Variants in EPHA3 observed in about 807,000 individuals in gnomAD.
EPHA3 encodes EPH receptor A3.
In EPHA3, 42 loss-of-function variants were observed where a neutral mutation model predicts 107.1. The observed-to-expected ratio is 0.39, with a 90% CI of 0.31 to 0.51. The LOEUF is 0.51. Among genes scored for constraint, EPHA3 ranks in the 20% least tolerant of loss-of-function variants. EPHA3 has a pLI of 0.78. For synonymous variants in EPHA3, 461 were observed against 424.8 expected, an observed-to-expected ratio of 1.09 and a Z score of -1.05; for missense variants, 1,183 against 1,211.2, an observed-to-expected ratio of 0.98 and a Z score of 0.35.
chr3:89,216,371 C>G (rs1704223172), intron 3 of EPHA3, among the ~76,000 whole-genome samples: 1 of 151,902 alleles, frequency 6.6e-6, no homozygotes, highest in Non-Finnish European at 1.5e-5. Context: ...GTAAACTTAC[C>G]TGTAAAGTGA....
At chr3:89,350,607 T>G (rs1707788087) in intron 5 of EPHA3, among the ~76,000 whole-genome samples, 1 of 151,074 alleles carries the variant, frequency 6.6e-6, no homozygotes. Flanking sequence ...GAAGCCTTCT[T>G]CTCTCAGCTC....
At chr3:89,279,067 C>T (rs1465189123) in intron 3 of EPHA3, among the ~76,000 whole-genome samples, 6 of 152,102 alleles carry the variant, frequency 3.9e-5, no homozygotes, top group Non-Finnish European at 7.4e-5. Context: ...AAGTGTGGAT[C>T]ATTTAAATTC....
At chr3:89,249,357 T>C (rs190811266) in intron 3 of EPHA3, among the ~76,000 whole-genome samples, 161 of 152,310 alleles carry the variant, frequency 1.1e-3, no homozygotes, top group African/African-American at 3.7e-3. Context: ...GGCGGTGACA[T>C]TTTAATTTTT....
Position 89,395,961 on chromosome 3 carries a change from G to T in EPHA3, c.1431G>T (p.Lys477Asn). The change falls in exon 6 of 17, where the codon AAG becomes AAT. Residue 477 changes from lysine to asparagine, a missense_variant and splice_region_variant. Coordinates refer to ENST00000336596, the MANE Select transcript of EPHA3 (RefSeq NM_005233.6). The stretch of plus-strand genomic sequence containing the variant: ...ACTACGAGGTCAAATACTATGAAAA[G>T]GTGGGGAAACAATGTTTAAGGGTTG... ...ILDYEVKYYE[K>N]QEQETSYTIL... 1 of 1,613,640 alleles carries T rather than the reference G, an allele frequency of 6.2e-7. No individual in the cohort carries two copies. The highest frequency in any genetic ancestry group is 8.5e-7 in the Non-Finnish European group (1 of 1,179,778).
At chr3:89,424,249 C>A (rs1353488910) in intron 11 of EPHA3, among the ~76,000 whole-genome samples, 2 of 151,194 alleles carry the variant, frequency 1.3e-5, no homozygotes, top group Non-Finnish European at 3.0e-5. Context: ...TTGTATTTAA[C>A]AATTCTAAAA....
At chr3:89,190,320 C>A (rs1343893884) in intron 2 of EPHA3, among the ~76,000 whole-genome samples, 4 of 152,162 alleles carry the variant, frequency 2.6e-5, no homozygotes, top group African/African-American at 9.7e-5. Context: ...TCTCTTCAAA[C>A]TCGTTGTTTG....
At chr3:89,183,697 C>T (rs1705496846) in intron 2 of EPHA3, among the ~76,000 whole-genome samples, 2 of 151,836 alleles carry the variant, frequency 1.3e-5, no homozygotes, top group Non-Finnish European at 2.9e-5. Flanking sequence ...TTTTTAAAGA[C>T]TTTATGTTCC....
intron 3 of EPHA3, among the ~76,000 whole-genome samples, chr3:89,237,706 C>T (rs995015609): frequency 6.6e-6 from 1 of 152,054 alleles, no homozygotes; most frequent in Non-Finnish European, 1.5e-5. Context: ...TGGCTCACAC[C>T]TATAATTCCA....
chr3:89,423,352 G>A (rs536716793), intron 11 of EPHA3, among the ~76,000 whole-genome samples: 3 of 151,312 alleles, frequency 2.0e-5, no homozygotes, highest in Admixed American at 6.6e-5. Context: ...CTGCATGTAC[G>A]GTAAGGACAC....
At chr3:89,163,972 A>T (rs1705004366) in intron 2 of EPHA3, among the ~76,000 whole-genome samples, 1 of 152,216 alleles carries the variant, frequency 6.6e-6, no homozygotes, top group Non-Finnish European at 1.5e-5. Context: ...TGTATAGAGA[A>T]GTCAATAGTT....
At chr3:89,370,517 G>A (rs1708278697) in intron 5 of EPHA3, among the ~76,000 whole-genome samples, 1 of 151,726 alleles carries the variant, frequency 6.6e-6, no homozygotes, top group East Asian at 2.0e-4. Flanking sequence ...TGGGGTGGGA[G>A]GAGGGGGGAG....
intron 2 of EPHA3, among the ~76,000 whole-genome samples, chr3:89,134,812 C>T (rs1704279380): frequency 6.6e-6 from 1 of 152,156 alleles, no homozygotes; most frequent in Non-Finnish European, 1.5e-5. Context: ...GTCTCCACTG[C>T]TTTACAATCC....
chr3:89,405,007 A>G (rs1709030706), intron 7 of EPHA3, among the ~76,000 whole-genome samples: 3 of 152,190 alleles, frequency 2.0e-5, no homozygotes, highest in Admixed American at 6.5e-5. Context: ...ATAGGGATGT[A>G]ACAGCCAGAT....
intron 2 of EPHA3, among the ~76,000 whole-genome samples, chr3:89,155,918 T>C (rs1704795426): frequency 6.6e-6 from 1 of 152,038 alleles, no homozygotes; most frequent in South Asian, 2.1e-4. Context: ...AGCTGTCAGT[T>C]CTTTCAACAT....
chr3:89,476,919 A>C (rs1710526403), intron 16 of EPHA3, among the ~76,000 whole-genome samples: 1 of 152,004 alleles, frequency 6.6e-6, no homozygotes, highest in Non-Finnish European at 1.5e-5. Context: ...GGGAAAGGGA[A>C]GAGACAAAGG....
At chr3:89,404,894 A>T (rs180918378) in intron 7 of EPHA3, among the ~76,000 whole-genome samples, 126 of 152,290 alleles carry the variant, frequency 8.3e-4, no homozygotes, top group Admixed American at 3.4e-3. Flanking sequence ...CAGTATGCAA[A>T]GTGAAAAGCA....
At chr3:89,156,358 T>C (rs1704806797) in intron 2 of EPHA3, among the ~76,000 whole-genome samples, 14 of 152,068 alleles carry the variant, frequency 9.2e-5, no homozygotes, top group Admixed American at 9.2e-4. Flanking sequence ...AGATTTAAAA[T>C]TGGAAAAACT....
intron 3 of EPHA3, among the ~76,000 whole-genome samples, chr3:89,246,484 ACCAGGAT>A (rs1705036989): frequency 6.6e-6 from 1 of 151,744 alleles, no homozygotes; most frequent in Non-Finnish European, 1.5e-5. Context: ...AGCTGTCTGT[ACCAGGAT>A]CCTCTACTGA....
chr3:89,136,606 A>T (rs1704321970), intron 2 of EPHA3, among the ~76,000 whole-genome samples: 1 of 151,674 alleles, frequency 6.6e-6, no homozygotes, highest in Admixed American at 6.6e-5. Flanking sequence ...AAAATATGGC[A>T]TGTACTATAT....
Sources: gnomAD v4.1 joint callset for allele counts (sites outside exome capture counted in the v4.1 genomes callset) on GRCh38, gnomAD v4.1.1 for gene constraint, MANE v1.5 for transcripts, NCBI Gene and HGNC (gene_info 2026-07-23, HGNC 2026-07-21) for gene names.